RPS6KC1: variants seen among roughly 807,000 people sequenced by gnomAD.
RPS6KC1 encodes inactive ribosomal protein S6 kinase delta-1.
In RPS6KC1, 54 loss-of-function variants were observed where a neutral mutation model predicts 103.8. That is an observed-to-expected ratio of 0.52 (90% CI 0.42 to 0.65). The LOEUF is 0.65. Ranked by LOEUF, RPS6KC1 falls within the 30% of genes least tolerant of loss-of-function variation. The pLI is 0.00. For synonymous variants in RPS6KC1, 439 were observed against 438.7 expected (o/e 1.00, Z -0.01); for missense variants, 1,151 against 1,253.8 (o/e 0.92, Z 1.24).
intron 8 of RPS6KC1, among the ~76,000 whole-genome samples, chr1:213,188,321 G>A (rs2092616445): frequency 6.6e-6 from 1 of 151,970 alleles, no homozygotes; most frequent in Non-Finnish European, 1.5e-5. Context: ...GGGAGGGTGA[G>A]ATTTTCTGCT....
the RPS6KC1 span, among the ~76,000 whole-genome samples, chr1:213,757,436 C>T: frequency 6.6e-6 from 1 of 152,214 alleles, no homozygotes; most frequent in Non-Finnish European, 1.5e-5. Context: ...CCACAACATT[C>T]CCTTAAGCCA....
the RPS6KC1 span, among the ~76,000 whole-genome samples, chr1:213,728,164 A>G: frequency 6.6e-6 from 1 of 152,132 alleles, no homozygotes; most frequent in Non-Finnish European, 1.5e-5. Context: ...AGGAGGGGGA[A>G]AAATAATGGG....
the RPS6KC1 span, among the ~76,000 whole-genome samples, chr1:213,664,034 C>T: frequency 6.6e-4 from 101 of 152,272 alleles, 1 homozygote; most frequent in Middle Eastern, 3.4e-3. Context: ...CAGGGAGAGC[C>T]GCCACCTCAC....
the RPS6KC1 span, among the ~76,000 whole-genome samples, chr1:213,514,313 T>C: frequency 6.6e-6 from 1 of 152,038 alleles, no homozygotes; most frequent in South Asian, 2.1e-4. Flanking sequence ...ATGTGCCATG[T>C]TGGTGTGCTG....
chr1:213,733,962 A>G, the RPS6KC1 span, among the ~76,000 whole-genome samples: 4 of 152,224 alleles, frequency 2.6e-5, no homozygotes, highest in African/African-American at 9.6e-5. Flanking sequence ...AAATGCTGGA[A>G]ATGTTTGAGG....
At chr1:213,221,041 A>G (rs1315677731) in intron 8 of RPS6KC1, among the ~76,000 whole-genome samples, 1 of 152,164 alleles carries the variant, frequency 6.6e-6, no homozygotes, top group African/African-American at 2.4e-5. Flanking sequence ...AGGCCTTTCA[A>G]AACAAAATAC....
the RPS6KC1 span, among the ~76,000 whole-genome samples, chr1:213,327,230 G>GAAAAA: frequency 2.5e-5 from 1 of 40,358 alleles, no homozygotes; most frequent in Non-Finnish European, 6.8e-5. Flanking sequence ...GGGAAAGAAA[G>GAAAAA]AAAAGAAAAG....
chr1:213,131,239 A>G (rs914408890), intron 6 of RPS6KC1, among the ~76,000 whole-genome samples: 10 of 152,330 alleles, frequency 6.6e-5, no homozygotes, highest in African/African-American at 2.4e-4. Context: ...AAAGTTGCTT[A>G]TATAACCATT....
Position 213,212,031 on chromosome 1 carries a change from C to G in RPS6KC1, c.1045-18466C>G, listed in dbSNP as rs143545212. On this transcript the variant is annotated intron_variant, in intron 8 of 14. Transcript: ENST00000366960. ...CATAGCCTCCCCTATTGTCAACAAC[C>G]CCCACCAGAGTGGTACATTTATTAC... 2.7e-3 allele frequency among the ~76,000 whole-genome samples: 418 copies of G among 152,232 alleles called. 4 individuals are homozygous for G. The highest frequency in any genetic ancestry group is 9.6e-3 in the African/African-American group (399 of 41,542).
chr1:213,518,739 A>G, the RPS6KC1 span, among the ~76,000 whole-genome samples: 60 of 152,326 alleles, frequency 3.9e-4, no homozygotes, highest in African/African-American at 1.4e-3. Context: ...TGGAATGAGC[A>G]TATGAAAAAC....
chr1:213,350,163 T>C, the RPS6KC1 span, among the ~76,000 whole-genome samples: 1 of 152,130 alleles, frequency 6.6e-6, no homozygotes, highest in Non-Finnish European at 1.5e-5. Flanking sequence ...TGTGGGGTGA[T>C]GTTATGATTC....
At chr1:213,152,325 G>C (rs1007275975) in intron 6 of RPS6KC1, among the ~76,000 whole-genome samples, 3 of 150,098 alleles carry the variant, frequency 2.0e-5, no homozygotes, top group African/African-American at 7.3e-5. Context: ...GCCGGGCAGG[G>C]GGCTGACCCC....
At chr1:213,608,928 G>GAAA in the RPS6KC1 span, among the ~76,000 whole-genome samples, 241 of 152,118 alleles carry the variant, frequency 1.6e-3, 2 homozygotes, top group African/African-American at 5.6e-3. Flanking sequence ...TAGCATTTAG[G>GAAA]CTATTTTCAT....
At chr1:213,306,131 A>G in the RPS6KC1 span, among the ~76,000 whole-genome samples, 1 of 152,332 alleles carries the variant, frequency 6.6e-6, no homozygotes, top group African/African-American at 2.4e-5. Context: ...ATCTTAAGAT[A>G]TGATTTTTGA....
chr1:213,459,386 G>C, the RPS6KC1 span, among the ~76,000 whole-genome samples: 1 of 152,044 alleles, frequency 6.6e-6, no homozygotes, highest in Non-Finnish European at 1.5e-5. Context: ...TTTGTGTAGA[G>C]GTGTTTATCA....
At chr1:213,092,131 G>A (rs1042793929) in intron 3 of RPS6KC1, among the ~76,000 whole-genome samples, 2 of 152,076 alleles carry the variant, frequency 1.3e-5, no homozygotes, top group Non-Finnish European at 2.9e-5. Context: ...AAATGCAACT[G>A]CTTTTGTAGT....
chr1:213,262,941 C>T (rs564247314), intron 14 of RPS6KC1, 125 bp downstream of exon 14: 69 of 685,564 alleles, frequency 1.0e-4, no homozygotes, highest in East Asian at 5.2e-5. Context: ...AACAAAGACA[C>T]GTTCAGAATT....
chr1:213,197,525 TATG>T (rs1344009509), intron 8 of RPS6KC1, among the ~76,000 whole-genome samples: 1 of 107,090 alleles, frequency 9.3e-6, no homozygotes, highest in Non-Finnish European at 1.7e-5. Context: ...TATTCCTAAG[TATG>T]TATGTATGTA....
At chr1:213,660,015 C>A in the RPS6KC1 span, among the ~76,000 whole-genome samples, 3 of 152,142 alleles carry the variant, frequency 2.0e-5, no homozygotes, top group Non-Finnish European at 4.4e-5. Flanking sequence ...ATACCTAGAG[C>A]CGGGTGTGTG....
Sources: allele counts gnomAD v4.1 joint callset (sites outside exome capture counted in the v4.1 genomes callset), GRCh38; gene constraint gnomAD v4.1.1; transcripts MANE v1.5; gene names NCBI Gene and HGNC (gene_info 2026-07-23, HGNC 2026-07-21).